The following MAPK14 variants were observed in gnomAD, a reference collection of about 807,000 sequenced individuals.
MAPK14 encodes mitogen-activated protein kinase 14, also known as CSAID-binding protein.
MAPK14 carries 16 observed loss-of-function variants against 49.6 expected under a neutral mutation model. The observed-to-expected ratio is 0.32, with a 90% CI of 0.22 to 0.49. The LOEUF (loss-of-function observed/expected upper bound fraction) is 0.49, where lower values mean the gene tolerates loss of function less well. Among genes scored for constraint, MAPK14 ranks in the 20% least tolerant of loss-of-function variants. MAPK14 has a pLI of 0.99. For synonymous variants in MAPK14, 142 were observed against 158.0 expected, an observed-to-expected ratio of 0.90 and a Z score of 0.76; for missense variants, 200 against 441.2, an observed-to-expected ratio of 0.45 and a Z score of 4.90.
At chr6:36,085,972 C>T (rs1404838984) in intron 8 of MAPK14, among the ~76,000 whole-genome samples, 1 of 152,132 alleles carries the variant, frequency 6.6e-6, no homozygotes, top group Non-Finnish European at 1.5e-5. Context: ...CACACCACAG[C>T]ACAATCAAAT....
At chr6:36,069,702 C>T (rs540054585) in intron 3 of MAPK14, among the ~76,000 whole-genome samples, 30 of 151,842 alleles carry the variant, frequency 2.0e-4, no homozygotes, top group African/African-American at 6.5e-4. Context: ...ATTAAAAGCT[C>T]TTTCCCTCTC....
chr6:36,075,881 G>C lies in MAPK14; in HGVS notation c.529G>C (p.Asp177His). ...TTTTGGACTGGCTCGGCACACAGAT[G>C]ATGAAATGACAGGCTACGTGGCCAC... ...LDFGLARHTD[D>H]EMTGYVATRW... The change falls in exon 7 of 12, where the codon GAT becomes CAT. Residue 177 changes from aspartate (D) to histidine (H), a missense_variant. Transcript: ENST00000229794. 1 of 1,614,008 alleles carries C rather than the reference G, an allele frequency of 6.2e-7. No homozygotes were observed. Among genetic ancestry groups the C allele is most frequent in the Non-Finnish European group, 8.5e-7 (1 of 1,180,006 alleles).
intron 1 of MAPK14, among the ~76,000 whole-genome samples, chr6:36,040,669 AATT>A (rs200046935): frequency 0.011 from 1,701 of 152,234 alleles, 24 homozygotes; most frequent in African/African-American, 0.038. Context: ...TTTCATGAAT[AATT>A]GTGTTTTGTC....
chr6:36,073,081 A>G, intron 4 of MAPK14, 97 bp downstream of exon 4: 1 of 779,932 alleles, frequency 1.3e-6, no homozygotes, highest in Non-Finnish European at 2.2e-6. Context: ...TTTCTAATGG[A>G]AAATTCAAAC....
intron 10 of MAPK14, among the ~76,000 whole-genome samples, chr6:36,103,130 T>C (rs752049632): frequency 2.0e-5 from 3 of 152,094 alleles, no homozygotes; most frequent in African/African-American, 7.2e-5. Context: ...TCCACACTCA[T>C]GAACTTTTCC....
intron 8 of MAPK14, among the ~76,000 whole-genome samples, chr6:36,095,693 C>A (rs1165975261): frequency 6.6e-6 from 1 of 152,174 alleles, no homozygotes; most frequent in African/African-American, 2.4e-5. Context: ...CAGCTAAGAA[C>A]CAGCTAAAGT....
Position 36,106,297 on chromosome 6 carries a change from C to A in MAPK14, c.842-1158C>A, listed in dbSNP as rs142175773. ...ACAGCAAAAGAAGCAAAATCAGACA[C>A]ATCCCGAGAAACGGTCATTCTCAGG... is the stretch of plus-strand genomic sequence containing the variant. On this transcript the variant is annotated intron_variant, in intron 10 of 11. Transcript: ENST00000229794. Among the ~76,000 whole-genome samples the A allele has an allele frequency of 2.0e-5, 3 of 152,294 alleles. No individual in the cohort carries two copies. The East Asian group carries it at 5.8e-4, about 29-fold the overall frequency.
At chr6:36,057,425 TG>T (rs1763630423) in intron 2 of MAPK14, among the ~76,000 whole-genome samples, 1 of 152,226 alleles carries the variant, frequency 6.6e-6, no homozygotes, top group African/African-American at 2.4e-5. Flanking sequence ...TACTGTTGTC[TG>T]GGTAAGATCT....
chr6:36,095,448 T>C (rs548871430), intron 8 of MAPK14, among the ~76,000 whole-genome samples: 3 of 152,188 alleles, frequency 2.0e-5, no homozygotes, highest in Non-Finnish European at 4.4e-5. Context: ...GGTCAGGCTT[T>C]GGGGTCTCAC....
chr6:36,081,205 C>T (rs962636110), intron 8 of MAPK14, among the ~76,000 whole-genome samples: 1 of 151,918 alleles, frequency 6.6e-6, no homozygotes, highest in Non-Finnish European at 1.5e-5. Flanking sequence ...TCTGTCCTTG[C>T]TCATGCTTTT....
intron 1 of MAPK14, among the ~76,000 whole-genome samples, chr6:36,034,638 C>T (rs1581726013): frequency 6.6e-6 from 1 of 152,290 alleles, no homozygotes; most frequent in Non-Finnish European, 1.5e-5. Flanking sequence ...TAACCAAAAA[C>T]TTCTTTAAAC....
At chr6:36,114,833 AACTGGGGGTATGACT>A (rs1242185347), downstream of MAPK14, among the ~76,000 whole-genome samples, 1 of 152,166 alleles carries the variant, frequency 6.6e-6, no homozygotes, top group Non-Finnish European at 1.5e-5. Context: ...CTGGTAATTA[AACTGGGGGTATGACT>A]ACAAGATTTT....
At chr6:36,038,964 T>G (rs1466280261) in intron 1 of MAPK14, among the ~76,000 whole-genome samples, 1 of 152,226 alleles carries the variant, frequency 6.6e-6, no homozygotes, top group African/African-American at 2.4e-5. Flanking sequence ...TTTATTTGAT[T>G]TTATTTGACC....
At chr6:36,083,546 G>C (rs1392287450) in intron 8 of MAPK14, among the ~76,000 whole-genome samples, 1 of 152,238 alleles carries the variant, frequency 6.6e-6, no homozygotes, top group Middle Eastern at 3.2e-3. Context: ...GGACCCAGAA[G>C]GAATTCCCTA....
chr6:36,043,742 G>A (rs900661481), intron 1 of MAPK14, among the ~76,000 whole-genome samples: 5 of 151,446 alleles, frequency 3.3e-5, no homozygotes, highest in Admixed American at 6.6e-5. Flanking sequence ...CCGGAGAAGA[G>A]GTGTCATGTT....
intron 10 of MAPK14, among the ~76,000 whole-genome samples, chr6:36,105,549 C>G (rs939399755): frequency 1.3e-5 from 2 of 152,100 alleles, no homozygotes; most frequent in East Asian, 1.9e-4. Context: ...GTTTCTTTTT[C>G]TAAGAAGAGA....
intron 8 of MAPK14, among the ~76,000 whole-genome samples, chr6:36,086,788 T>C (rs954148256): frequency 1.3e-5 from 2 of 152,178 alleles, no homozygotes; most frequent in Non-Finnish European, 2.9e-5. Flanking sequence ...TATAACTCAT[T>C]TTATGAGGCC....
intron 3 of MAPK14, among the ~76,000 whole-genome samples, chr6:36,072,224 G>C (rs1480451363): frequency 6.6e-6 from 1 of 152,176 alleles, no homozygotes; most frequent in East Asian, 1.9e-4. Context: ...TTTAGTCCTA[G>C]CTACTCGGAA....
intron 3 of MAPK14, among the ~76,000 whole-genome samples, chr6:36,069,177 C>G (rs140445825): frequency 3.0e-3 from 463 of 152,258 alleles, no homozygotes; most frequent in Non-Finnish European, 5.0e-3. Flanking sequence ...ATGTAATTGA[C>G]TATGCTTTCC....
Sources: allele counts gnomAD v4.1 joint callset (sites outside exome capture counted in the v4.1 genomes callset), GRCh38; gene constraint gnomAD v4.1.1; transcripts MANE v1.5; gene names NCBI Gene and HGNC (gene_info 2026-07-23, HGNC 2026-07-21).